Variants in NUFIP2 observed in about 807,000 individuals in gnomAD.
NUFIP2 encodes the protein FMR1-interacting protein NUFIP2.
NUFIP2 carries 6 observed loss-of-function variants against 56.9 expected under a neutral mutation model. The ratio of observed to expected loss-of-function variants is 0.11; its 90% CI spans 0.06 to 0.21. NUFIP2 has a LOEUF of 0.21. Among genes scored for constraint, NUFIP2 ranks in the 10% least tolerant of loss-of-function variants. The pLI is 1.00. For synonymous variants in NUFIP2, 321 were observed against 298.2 expected (o/e 1.08, Z -0.79); for missense variants, 828 against 826.8 (o/e 1.00, Z -0.02).
chr17:29,268,498 C>T (rs1215121653), intron 2 of NUFIP2, among the ~76,000 whole-genome samples: 1 of 152,012 alleles, frequency 6.6e-6, no homozygotes, highest in Non-Finnish European at 1.5e-5. Flanking sequence ...AACCACACCT[C>T]TTTTTTATTT....
At chr17:29,282,217 C>T (rs73272532) in intron 2 of NUFIP2, among the ~76,000 whole-genome samples, 19,293 of 152,040 alleles carry the variant, frequency 0.13, 1,388 homozygotes, top group East Asian at 0.3. Context: ...CAGAAGCTGC[C>T]GCCATGCACT....
chr17:29,286,521 G>T lies in NUFIP2; in HGVS notation c.1473C>A (p.Pro491=). ...MLLSTAQVDL[P]SQTDQQNLGD... The stretch of plus-strand genomic sequence containing the variant: ...CCAGGTTTTGCTGATCTGTCTGAGA[G>T]GGCAGATCCACTTGTGCTGTGCTCA... The change falls in exon 2 of 4, where the codon CCC becomes CCA. Residue 491 remains proline, a synonymous_variant. Transcript: ENST00000225388. 1.2e-6 allele frequency: 2 copies of T among 1,614,156 alleles called. No individual in the cohort carries two copies. The highest frequency in any genetic ancestry group is 1.7e-6 in the Non-Finnish European group (2 of 1,180,010).
rs775069110 is a variant in NUFIP2 at position 29,294,081 on chromosome 17, G to T, written c.-22C>A. ...CCATTGAAAGCGGCTGGGACTCCCT[G>T]GCTGAGGCTGCGGGCTGCTGCACCG... On this transcript the variant is annotated 5_prime_UTR_variant, in exon 1 of 4. Transcript: ENST00000225388. 2 of 1,576,556 alleles carry T rather than the reference G, an allele frequency of 1.3e-6. No homozygotes were observed. Among genetic ancestry groups the T allele is most frequent in the East Asian group, 2.2e-5 (1 of 44,524 alleles).
chr17:29,284,937 A>G (rs1300998409), intron 2 of NUFIP2, among the ~76,000 whole-genome samples: 1 of 152,162 alleles, frequency 6.6e-6, no homozygotes, highest in African/African-American at 2.4e-5. Context: ...CTTCAAAAAC[A>G]GTGCTTCTAC....
chr17:29,294,073 G>C lies in NUFIP2; in HGVS notation c.-14C>G. 6.3e-7 allele frequency: 1 copy of C among 1,584,526 alleles called. No homozygotes were observed. The highest frequency in any genetic ancestry group is 1.2e-5 in the South Asian group (1 of 86,672). On this transcript the variant is annotated 5_prime_UTR_variant, in exon 1 of 4. Transcript: ENST00000225388. ...CTTCTCCTCCATTGAAAGCGGCTGG[G>C]ACTCCCTGGCTGAGGCTGCGGGCTG...
Position 29,256,719 on chromosome 17 carries a change from T to TTATAAGTACAC in NUFIP2, c.*7819_*7820insGTGTACTTATA, listed in dbSNP as rs1258774388. 114 of 151,430 alleles carry TTATAAGTACAC rather than the reference T, an allele frequency of 7.5e-4. No homozygotes were observed. The highest frequency in any genetic ancestry group is 1.3e-4 in the Non-Finnish European group (9 of 67,850). 9.4% of individuals were successfully genotyped at this position (151,430 alleles called of 1,614,324 possible). A position where few individuals can be genotyped will look rare whatever the true frequency, so the allele number is the denominator to read the frequency against. On this transcript the variant is annotated 3_prime_UTR_variant, in exon 4 of 4. Transcript: ENST00000225388. The stretch of plus-strand genomic sequence containing the variant: ...TTGACAAAACCTGGGTAGTAGTACA[T>TTATAAGTACAC]CTACACATTATAAGTACACATACAC...
chr17:29,264,942 A>G (rs983494475), intron 3 of NUFIP2, among the ~76,000 whole-genome samples: 1 of 152,212 alleles, frequency 6.6e-6, no homozygotes, highest in Non-Finnish European at 1.5e-5. Context: ...GTCACCAATA[A>G]TCCAATATTA....
In NUFIP2 at chr17:29,286,488, G is replaced by A. The variant is rs1397356663; in HGVS notation, c.1506C>T (p.Ile502=). Residue 502 remains isoleucine (I), a synonymous_variant, in exon 2 of 4, where the codon ATC becomes ATT. Coordinates refer to ENST00000225388, the MANE Select transcript of NUFIP2 (RefSeq NM_020772.3). The part of the protein sequence containing the change: ...SQTDQQNLGD[I]FQNQWGLSFI... The stretch of plus-strand genomic sequence containing the variant: ...ATGATAAACCCCACTGATTCTGGAA[G>A]ATATCCCCCAGGTTTTGCTGATCTG... The A allele has an allele frequency of 1.2e-6, 2 of 1,614,210 alleles. No individual in the cohort carries two copies. Among genetic ancestry groups the A allele is most frequent in the South Asian group, 1.1e-5 (1 of 91,082 alleles).
chr17:29,265,447 C>T (rs1290227994), intron 3 of NUFIP2, among the ~76,000 whole-genome samples: 48 of 146,362 alleles, frequency 3.3e-4, no homozygotes, highest in African/African-American at 1.1e-3. Context: ...GGACTACAGG[C>T]GCCCGCTACC....
At position 29,286,304 on chromosome 17, in the gene NUFIP2, C is replaced by T. The variant is rs754339342; in HGVS notation, c.1690G>A (p.Ala564Thr). Residue 564 changes from alanine (A) to threonine (T), a missense_variant, in exon 2 of 4, where the codon GCT becomes ACT. Physicochemically the swap from Ala to Thr is moderately conservative, Grantham distance 58. Around this residue, in one of 3 missense-constraint regions of NUFIP2, gnomAD observed 404 missense variants for 380.3 expected, o/e 1.06. Coordinates refer to ENST00000225388, the MANE Select transcript of NUFIP2 (RefSeq NM_020772.3). ...SGTEHPVFPK[A>T]YELEKRTSPQ... Reference sequence around the variant, plus strand: ...CTAGTCCGTTTCTCCAGCTCGTAAGCCTTGGGAAACACAGGATGCTCAGTT... The same window carrying T: ...CTAGTCCGTTTCTCCAGCTCGTAAGTCTTGGGAAACACAGGATGCTCAGTT... 3 of 1,614,132 alleles carry T rather than the reference C, an allele frequency of 1.9e-6. No homozygotes were observed. The highest frequency in any genetic ancestry group is 1.6e-4 in the Middle Eastern group (1 of 6,062).
At chr17:29,292,281 AAG>A (rs1346258911) in intron 1 of NUFIP2, among the ~76,000 whole-genome samples, 1 of 152,082 alleles carries the variant, frequency 6.6e-6, no homozygotes, top group East Asian at 1.9e-4. Flanking sequence ...AAGGACAAGA[AAG>A]AGGGGTCAAA....
At chr17:29,284,792 G>C (rs962108599) in intron 2 of NUFIP2, among the ~76,000 whole-genome samples, 1 of 151,774 alleles carries the variant, frequency 6.6e-6, no homozygotes, top group Non-Finnish European at 1.5e-5. Flanking sequence ...TTTAAACTTG[G>C]GCTTTAGGGC....
Position 29,294,009 on chromosome 17 carries a change from G to A in NUFIP2, c.51C>T (p.His17=). 6.2e-7 allele frequency: 1 copy of A among 1,613,006 alleles called. No individual in the cohort carries two copies. Among genetic ancestry groups the A allele is most frequent in the Non-Finnish European group, 8.5e-7 (1 of 1,179,374 alleles). ...QPQPQHHHSH[H]HPHHHPQQQQ... Reference sequence around the variant, plus strand: ...GCTGCTGAGGGTGATGGTGCGGATGGTGGTGGCTGTGATGGTGCTGAGGCT... The same window carrying A: ...GCTGCTGAGGGTGATGGTGCGGATGATGGTGGCTGTGATGGTGCTGAGGCT... The change falls in exon 1 of 4, where the codon CAC becomes CAT. Residue 17 remains histidine (H), a synonymous_variant. Coordinates refer to ENST00000225388, the MANE Select transcript of NUFIP2 (RefSeq NM_020772.3).
At chr17:29,267,967 C>T (rs1480169179) in intron 2 of NUFIP2, among the ~76,000 whole-genome samples, 7 of 152,148 alleles carry the variant, frequency 4.6e-5, no homozygotes, top group Non-Finnish European at 7.4e-5. Flanking sequence ...GGCCTGATCT[C>T]GGCTCACTGC....
intron 2 of NUFIP2, among the ~76,000 whole-genome samples, chr17:29,269,784 G>T (rs780116864): frequency 2.0e-5 from 3 of 151,818 alleles, no homozygotes; most frequent in African/African-American, 7.3e-5. Flanking sequence ...ACAGTGGCGC[G>T]ATCTCAGCTC....
At chr17:29,288,137 G>A (rs896541417) in intron 1 of NUFIP2, among the ~76,000 whole-genome samples, 19 of 152,160 alleles carry the variant, frequency 1.2e-4, no homozygotes, top group Admixed American at 5.2e-4. Context: ...TCCACCTCCC[G>A]GGCTCACGCC....
chr17:29,267,682 C>T, intron 2 of NUFIP2, 152 bp from the exon 3 acceptor site: 1 of 533,166 alleles, frequency 1.9e-6, no homozygotes, highest in Non-Finnish European at 3.3e-6. Context: ...TCAGATAAAG[C>T]ATTCATATTT....
At chr17:29,266,603 G>C (rs1216174089) in intron 3 of NUFIP2, among the ~76,000 whole-genome samples, 1 of 151,862 alleles carries the variant, frequency 6.6e-6, no homozygotes, top group Non-Finnish European at 1.5e-5. Flanking sequence ...TCCTATAACA[G>C]CTAATATTTT....
chr17:29,269,048 CTATA>C (rs967942390), intron 2 of NUFIP2, among the ~76,000 whole-genome samples: 4 of 151,932 alleles, frequency 2.6e-5, no homozygotes, highest in African/African-American at 4.8e-5. Context: ...CTTCAGGGGG[CTATA>C]TATAGTCAAC....
Sources: allele counts gnomAD v4.1 joint callset (sites outside exome capture counted in the v4.1 genomes callset), GRCh38; gene constraint gnomAD v4.1.1; regional missense constraint gnomAD v4.1.1; transcripts MANE v1.5; gene names NCBI Gene and HGNC (gene_info 2026-07-23, HGNC 2026-07-21).